PDZRN4: variants seen among roughly 807,000 people sequenced by gnomAD.
PDZRN4 encodes the protein PDZ domain-containing RING finger protein 4.
A neutral mutation model predicts 99.0 loss-of-function variants in PDZRN4; 70 were observed. That is an observed-to-expected ratio of 0.71 (90% CI 0.58 to 0.86). PDZRN4 has a LOEUF of 0.86. Ranked by LOEUF, PDZRN4 falls within the 40% of genes least tolerant of loss-of-function variation. PDZRN4 has a pLI of 0.00. For synonymous variants in PDZRN4, 551 were observed against 501.6 expected (o/e 1.10, Z -1.32); for missense variants, 1,474 against 1,331.2 (o/e 1.11, Z -1.67).
chr12:41,438,439 C>G (rs572401244), intron 3 of PDZRN4, among the ~76,000 whole-genome samples: 13 of 152,250 alleles, frequency 8.5e-5, no homozygotes, highest in South Asian at 2.1e-4. Flanking sequence ...CTGCCAAATC[C>G]TGTTAGCCAT....
rs1195700051 is a variant in PDZRN4, at chr12:41,304,595, G to A, written c.843+110407G>A. Among the ~76,000 whole-genome samples, 3 of 152,248 alleles carry A rather than the reference G, an allele frequency of 2.0e-5. No homozygotes were observed. In the East Asian group the frequency reaches 5.8e-4, roughly 29 times the overall value. On this transcript the variant is annotated intron_variant, in intron 3 of 9. Coordinates refer to ENST00000402685, the MANE Select transcript of PDZRN4 (RefSeq NM_001164595.2). The stretch of plus-strand genomic sequence containing the variant: ...TCTTCAACGCCTTCTTAAGAAACAA[G>A]TTTTGCTACACTGAAAGTGATATCA...
intron 9 of PDZRN4, among the ~76,000 whole-genome samples, chr12:41,571,143 A>G (rs1939463876): frequency 1.3e-5 from 2 of 151,962 alleles, no homozygotes; most frequent in South Asian, 4.2e-4. Flanking sequence ...CTATCTATCT[A>G]TCTATATATA....
intron 3 of PDZRN4, among the ~76,000 whole-genome samples, chr12:41,213,368 A>G (rs1378983558): frequency 1.3e-5 from 2 of 152,034 alleles, no homozygotes; most frequent in Admixed American, 6.6e-5. Context: ...GCTTCAACAT[A>G]TATTTCACGA....
At chr12:41,374,233 G>A (rs140813183) in intron 3 of PDZRN4, among the ~76,000 whole-genome samples, 33 of 152,246 alleles carry the variant, frequency 2.2e-4, no homozygotes, top group African/African-American at 7.7e-4. Context: ...AATCATGTTA[G>A]TACATACATG....
At chr12:41,214,876 T>C (rs1950910989) in intron 3 of PDZRN4, among the ~76,000 whole-genome samples, 1 of 151,982 alleles carries the variant, frequency 6.6e-6, no homozygotes, top group Non-Finnish European at 1.5e-5. Flanking sequence ...AATGTATCTG[T>C]TTGAGAGAAA....
At chr12:41,265,636 T>C (rs1951270651) in intron 3 of PDZRN4, among the ~76,000 whole-genome samples, 1 of 152,180 alleles carries the variant, frequency 6.6e-6, no homozygotes. Context: ...TTTCTTAGCA[T>C]AGGGGCAGCT....
chr12:41,255,432 T>C (rs758598706), intron 3 of PDZRN4, among the ~76,000 whole-genome samples: 5 of 152,000 alleles, frequency 3.3e-5, no homozygotes, highest in Admixed American at 6.6e-5. Flanking sequence ...GTTTTTTTTG[T>C]TTTGTTTTGT....
chr12:41,463,192 C>T (rs1251614759), intron 3 of PDZRN4, among the ~76,000 whole-genome samples: 1 of 152,196 alleles, frequency 6.6e-6, no homozygotes, highest in African/African-American at 2.4e-5. Context: ...TTTCCCTGTG[C>T]TCTGAAATGT....
intron 3 of PDZRN4, among the ~76,000 whole-genome samples, 159 bp downstream of exon 3, chr12:41,194,347 A>G (rs1159476440): frequency 6.6e-6 from 1 of 152,222 alleles, no homozygotes; most frequent in Non-Finnish European, 1.5e-5. Context: ...CAAAAAATGT[A>G]AAAGTCACTG....
chr12:41,483,205 T>C (rs1045303516), intron 3 of PDZRN4, among the ~76,000 whole-genome samples: 4 of 152,098 alleles, frequency 2.6e-5, no homozygotes, highest in African/African-American at 7.2e-5. Flanking sequence ...ACAACCAAAG[T>C]TGATTATTTC....
chr12:41,565,521 T>G (rs1426674487), intron 8 of PDZRN4, among the ~76,000 whole-genome samples: 3 of 60,378 alleles, frequency 5.0e-5, no homozygotes, highest in African/African-American at 2.6e-4. Context: ...TGTTGTATGT[T>G]TTTTTTTTGC....
intron 3 of PDZRN4, among the ~76,000 whole-genome samples, chr12:41,219,622 G>A (rs180893699): frequency 3.9e-5 from 6 of 152,078 alleles, no homozygotes; most frequent in East Asian, 1.9e-4. Flanking sequence ...GCTGCCTCCC[G>A]AGAAACATGA....
chr12:41,300,773 T>C (rs1156800264), intron 3 of PDZRN4, among the ~76,000 whole-genome samples: 1 of 152,032 alleles, frequency 6.6e-6, no homozygotes, highest in African/African-American at 2.4e-5. Flanking sequence ...TTTTACAATA[T>C]AACTTTGTGA....
chr12:41,350,743 C>G (rs1951884028), intron 3 of PDZRN4, among the ~76,000 whole-genome samples: 1 of 152,056 alleles, frequency 6.6e-6, no homozygotes. Context: ...AAGTTACATA[C>G]ATGTTTTGAA....
chr12:41,485,826 A>G (rs1409194425), intron 3 of PDZRN4, among the ~76,000 whole-genome samples: 1 of 152,130 alleles, frequency 6.6e-6, no homozygotes, highest in Non-Finnish European at 1.5e-5. Context: ...ACAGTTTACC[A>G]TTTCCTGTAT....
intron 8 of PDZRN4, among the ~76,000 whole-genome samples, chr12:41,565,887 G>A (rs527912414): frequency 2.0e-4 from 30 of 152,210 alleles, no homozygotes; most frequent in African/African-American, 5.1e-4. Flanking sequence ...GCCCCCTTTG[G>A]TGCAGATAGA....
At chr12:41,534,308 G>A (rs953772122) in intron 5 of PDZRN4, among the ~76,000 whole-genome samples, 6 of 150,434 alleles carry the variant, frequency 4.0e-5, no homozygotes, top group East Asian at 1.9e-4. Flanking sequence ...TTTAAGTTCC[G>A]GGGTACAAGT....
chr12:41,381,604 T>C (rs1158292639), intron 3 of PDZRN4, among the ~76,000 whole-genome samples: 1 of 152,162 alleles, frequency 6.6e-6, no homozygotes, highest in Non-Finnish European at 1.5e-5. Context: ...TTTATCTTTC[T>C]TTGTTGAACT....
chr12:41,563,261 T>C (rs1335235008), intron 7 of PDZRN4, among the ~76,000 whole-genome samples: 3 of 152,154 alleles, frequency 2.0e-5, no homozygotes, highest in African/African-American at 7.2e-5. Context: ...ACGTCACCTG[T>C]CAGGAGCTGG....
Sources: gnomAD v4.1 joint callset for allele counts (sites outside exome capture counted in the v4.1 genomes callset) on GRCh38, gnomAD v4.1.1 for gene constraint, MANE v1.5 for transcripts, NCBI Gene and HGNC (gene_info 2026-07-23, HGNC 2026-07-21) for gene names.